The following NBEA variants were observed in gnomAD, a reference collection of about 807,000 sequenced individuals.
NBEA encodes the protein neurobeachin.
A neutral mutation model predicts 343.4 loss-of-function variants in NBEA; 44 were observed. That is an observed-to-expected ratio of 0.13 (90% CI 0.10 to 0.16). NBEA has a LOEUF of 0.16. NBEA is among the 10% of genes least tolerant of loss of function. The probability of loss-of-function intolerance (pLI) is 1.00; values close to 1 mark genes in which losing one functional copy is unlikely to be tolerated. For missense variants in NBEA, 2,555 were observed against 3,631.3 expected (o/e 0.70, Z 7.62); for synonymous variants, 1,175 against 1,238.7 (o/e 0.95, Z 1.08).
At chr13:35,490,118 G>C (rs1036573021) in intron 41 of NBEA, among the ~76,000 whole-genome samples, 14 of 151,782 alleles carry the variant, frequency 9.2e-5, no homozygotes, top group Non-Finnish European at 1.9e-4. Context: ...AGCTTACTGA[G>C]GGCACACTAG....
At chr13:35,207,609 T>C (rs968214547) in intron 31 of NBEA, among the ~76,000 whole-genome samples, 17 of 152,120 alleles carry the variant, frequency 1.1e-4, no homozygotes, top group African/African-American at 3.9e-4. Flanking sequence ...CTGACTAATA[T>C]CCATATTTAT....
In NBEA at chr13:35,151,597, C is replaced by T. The variant is rs112522142; in HGVS notation, c.2446-4177C>T. Among the ~76,000 whole-genome samples, 61 of 150,068 alleles carry T rather than the reference C, an allele frequency of 4.1e-4. 1 individual carries two copies. The highest frequency in any genetic ancestry group is 1.3e-3 in the African/African-American group (55 of 40,946). On this transcript the variant is annotated intron_variant, in intron 18 of 58. Transcript: ENST00000379939. ...AAATCAGATTTTTAGCAGGACATGT[C>T]AGACAACATTGTATAAGTTGTGAAG...
chr13:35,349,231 G>A lies in NBEA; in HGVS notation c.6012+15G>A, dbSNP rs200305632. The A allele has an allele frequency of 1.4e-4, 201 of 1,482,934 alleles. No homozygotes were observed. The highest frequency in any genetic ancestry group is 1.8e-4 in the Non-Finnish European group (190 of 1,077,876). The allele number at this position is 1,482,934 out of a possible 1,614,324, so 91.9% of individuals were successfully genotyped here. On this transcript the variant is annotated intron_variant, in intron 37 of 58. Coordinates refer to ENST00000379939, the MANE Select transcript of NBEA (RefSeq NM_001385012.1). Reference sequence around the variant, plus strand: ...CAGAGTTTGAGGTAAGGTTTTGGGAGTAGACTAAATTCTGCCTTTCTATTA... The same window carrying A: ...CAGAGTTTGAGGTAAGGTTTTGGGAATAGACTAAATTCTGCCTTTCTATTA...
At position 35,159,617 on chromosome 13, in the gene NBEA, A is replaced by G. The variant is rs749491097; in HGVS notation, c.3446A>G (p.Asp1149Gly). 6.2e-7 allele frequency: 1 copy of G among 1,611,330 alleles called. No individual in the cohort carries two copies. Among genetic ancestry groups the G allele is most frequent in the East Asian group, 2.2e-5 (1 of 44,712 alleles). ...LPNSSTSFLF[D>G]KIPKQEEKLL... ...AATAGTAGTACATCATTTCTCTTTG[A>G]TAAAATACCCAAACAGGAGGAAAAA... The change falls in exon 22 of 59, where the codon GAT becomes GGT. Residue 1149 changes from aspartate (D) to glycine (G), a missense_variant. Around this residue, in one of 21 missense-constraint regions of NBEA, gnomAD observed 367 missense variants for 377.5 expected, o/e 0.97. Coordinates refer to ENST00000379939, the MANE Select transcript of NBEA (RefSeq NM_001385012.1).
intron 10 of NBEA, among the ~76,000 whole-genome samples, chr13:35,075,141 G>A (rs1176346717): frequency 6.6e-6 from 1 of 152,122 alleles, no homozygotes; most frequent in Non-Finnish European, 1.5e-5. Flanking sequence ...AATCCTGCAA[G>A]CCTGACTCTA....
intron 34 of NBEA, among the ~76,000 whole-genome samples, chr13:35,262,885 C>T (rs1019337867): frequency 1.3e-5 from 2 of 152,132 alleles, no homozygotes; most frequent in Non-Finnish European, 2.9e-5. Context: ...GAAGAGTTTA[C>T]GTCAGTCCTA....
chr13:35,458,000 C>T (rs2046677802), intron 40 of NBEA, among the ~76,000 whole-genome samples: 1 of 152,178 alleles, frequency 6.6e-6, no homozygotes. Flanking sequence ...AAGTTGTTTC[C>T]ACCTTTTCAC....
chr13:35,648,262 T>C (rs952627221), intron 51 of NBEA, among the ~76,000 whole-genome samples: 5 of 149,402 alleles, frequency 3.3e-5, no homozygotes, highest in Non-Finnish European at 7.4e-5. Flanking sequence ...TAGTCACTAG[T>C]GAACTCTTTT....
chr13:35,176,036 A>G (rs2070875055), intron 27 of NBEA, among the ~76,000 whole-genome samples: 2 of 152,076 alleles, frequency 1.3e-5, no homozygotes, highest in South Asian at 4.1e-4. Flanking sequence ...TCCTGTAGTA[A>G]ATATTATTAG....
intron 38 of NBEA, among the ~76,000 whole-genome samples, chr13:35,409,496 TA>T (rs201593641): frequency 6.6e-6 from 1 of 151,936 alleles, no homozygotes; most frequent in African/African-American, 2.4e-5. Flanking sequence ...ACTTAAAAGT[TA>T]AAAAAAACTA....
At chr13:35,380,883 T>A (rs891882578) in intron 38 of NBEA, among the ~76,000 whole-genome samples, 4 of 152,194 alleles carry the variant, frequency 2.6e-5, no homozygotes, top group African/African-American at 7.2e-5. Flanking sequence ...ACAATTGTGA[T>A]ATTAGTCATA....
chr13:35,208,576 A>T (rs4943298), intron 31 of NBEA, 124 bp from the exon 32 acceptor site: 39 of 809,940 alleles, frequency 4.8e-5, no homozygotes, highest in Middle Eastern at 3.3e-4. Context: ...GGAGTTTAAA[A>T]TTTTTTTTTA....
intron 27 of NBEA, among the ~76,000 whole-genome samples, chr13:35,176,454 T>C (rs1421450570): frequency 6.6e-6 from 1 of 152,072 alleles, no homozygotes; most frequent in Admixed American, 6.6e-5. Flanking sequence ...ACCTGAAATA[T>C]GTAGATGTTT....
chr13:35,332,530 C>T (rs2038987288), intron 36 of NBEA, among the ~76,000 whole-genome samples: 1 of 151,544 alleles, frequency 6.6e-6, no homozygotes, highest in Admixed American at 6.6e-5. Flanking sequence ...TTGGATAACA[C>T]CAATGGAAAA....
chr13:35,419,866 T>G (rs1239594688), intron 38 of NBEA, among the ~76,000 whole-genome samples: 2 of 152,004 alleles, frequency 1.3e-5, no homozygotes, highest in Non-Finnish European at 2.9e-5. Context: ...TCCCACAGTA[T>G]AGTAGGGTAT....
intron 27 of NBEA, among the ~76,000 whole-genome samples, chr13:35,174,154 T>C (rs1390719373): frequency 6.6e-6 from 1 of 152,106 alleles, no homozygotes; most frequent in Non-Finnish European, 1.5e-5. Flanking sequence ...GCTGTTTTAG[T>C]CATACCATAG....
intron 38 of NBEA, among the ~76,000 whole-genome samples, chr13:35,398,604 G>C (rs1566075220): frequency 6.6e-6 from 1 of 152,130 alleles, no homozygotes; most frequent in Non-Finnish European, 1.5e-5. Context: ...CAAGTGCCTT[G>C]TCAATGGGCA....
At chr13:35,253,080 T>G (rs925000095) in intron 34 of NBEA, among the ~76,000 whole-genome samples, 1 of 152,164 alleles carries the variant, frequency 6.6e-6, no homozygotes, top group Admixed American at 6.5e-5. Context: ...TCTCAAAGGC[T>G]CTGTGCCTGT....
intron 34 of NBEA, among the ~76,000 whole-genome samples, chr13:35,262,020 GAC>G (rs1161359442): frequency 2.0e-5 from 3 of 152,202 alleles, no homozygotes; most frequent in Admixed American, 1.3e-4. Context: ...GACTTGAAAA[GAC>G]ACTTCACCAG....
Sources: gnomAD v4.1 joint callset for allele counts (sites outside exome capture counted in the v4.1 genomes callset) on GRCh38, gnomAD v4.1.1 for gene constraint, gnomAD v4.1.1 regional missense constraint, MANE v1.5 for transcripts, NCBI Gene and HGNC (gene_info 2026-07-23, HGNC 2026-07-21) for gene names.